Variants in FOCAD observed in about 807,000 individuals in gnomAD.
The protein encoded by FOCAD is focadhesin.
Under a neutral mutation model 225.6 loss-of-function variants are expected in FOCAD, and 198 were observed. The observed-to-expected ratio is 0.88, with a 90% CI of 0.78 to 0.99. FOCAD has a LOEUF of 0.99. Among genes scored for constraint, FOCAD ranks in the 50% least tolerant of loss-of-function variants. FOCAD has a pLI of 0.00. For synonymous variants in FOCAD, 897 were observed against 755.0 expected (o/e 1.19, Z -3.08); for missense variants, 2,713 against 2,123.6 (o/e 1.28, Z -5.46).
chr9:20,983,579 A>T lies in FOCAD; in HGVS notation c.4728+1133A>T, dbSNP rs1310446031. ...GAACGAGACTCTGTCTCAAAAAAAA[A>T]AAAAAAAAGAATATATGGAATATCA... On this transcript the variant is annotated intron_variant, in intron 39 of 43. Coordinates refer to ENST00000338382, the MANE Select transcript of FOCAD (RefSeq NM_001375567.1). Among the ~76,000 whole-genome samples, 7 of 151,782 alleles carry T rather than the reference A, an allele frequency of 4.6e-5. 1 individual carries two copies. The highest frequency in any genetic ancestry group is 4.6e-4 in the Admixed American group (7 of 15,220).
At chr9:20,932,864 G>C (rs538568600) in intron 27 of FOCAD, 150 bp from the exon 28 acceptor site, 177 of 588,468 alleles carry the variant, frequency 3.0e-4, no homozygotes, top group Non-Finnish European at 4.5e-4. Flanking sequence ...TACCAAATAA[G>C]AATAGGCAAC....
At chr9:20,808,617 G>A (rs1362043258) in intron 11 of FOCAD, among the ~76,000 whole-genome samples, 2 of 152,206 alleles carry the variant, frequency 1.3e-5, no homozygotes, top group African/African-American at 4.8e-5. Flanking sequence ...ACGAGGTTCA[G>A]TGAGCAGGAG....
chr9:20,833,620 T>G (rs973346771), intron 15 of FOCAD, among the ~76,000 whole-genome samples: 2 of 152,070 alleles, frequency 1.3e-5, no homozygotes, highest in African/African-American at 4.8e-5. Context: ...TAGATTTACA[T>G]CATCTGCCTG....
chr9:20,710,192 C>A (rs1224034898), intron 1 of FOCAD, among the ~76,000 whole-genome samples: 1 of 147,150 alleles, frequency 6.8e-6, no homozygotes, highest in Non-Finnish European at 1.5e-5. Flanking sequence ...TAGATTAGAT[C>A]ATCAGAAAAC....
At chr9:20,918,799 G>T (rs1016014230) in intron 24 of FOCAD, among the ~76,000 whole-genome samples, 17 of 152,116 alleles carry the variant, frequency 1.1e-4, no homozygotes, top group Non-Finnish European at 4.4e-5. Context: ...ACTAGGAATG[G>T]TAGCAAGTGT....
chr9:20,877,100 T>C (rs1830287025), intron 19 of FOCAD, among the ~76,000 whole-genome samples: 1 of 152,092 alleles, frequency 6.6e-6, no homozygotes, highest in African/African-American at 2.4e-5. Context: ...AACCAGAAAA[T>C]TGACATTGGC....
rs79212834 is a variant in FOCAD at position 20,990,857 on chromosome 9, G to C, written c.5256+483G>C. 4.0e-3 allele frequency among the ~76,000 whole-genome samples: 616 copies of C among 152,326 alleles called. 10 individuals are homozygous for C. Among genetic ancestry groups the C allele is most frequent in the East Asian group, 0.032 (167 of 5,180 alleles). ...GGTCGGGAGCATCCATCTTCTTGTAGCATCTTTAAGGTTCCCCATAGCTTA... is the reference window on the plus strand; with the variant it reads ...GGTCGGGAGCATCCATCTTCTTGTACCATCTTTAAGGTTCCCCATAGCTTA... On this transcript the variant is annotated intron_variant, in intron 42 of 43. Transcript: ENST00000338382.
chr9:20,955,463 T>C (rs1161811054), intron 35 of FOCAD, among the ~76,000 whole-genome samples: 1 of 152,022 alleles, frequency 6.6e-6, no homozygotes, highest in African/African-American at 2.4e-5. Context: ...AGATACTAAA[T>C]AGATGAGATT....
At chr9:20,846,915 A>G (rs954463153) in intron 15 of FOCAD, among the ~76,000 whole-genome samples, 1 of 152,102 alleles carries the variant, frequency 6.6e-6, no homozygotes, top group Non-Finnish European at 1.5e-5. Flanking sequence ...TAAGGTTGTT[A>G]TTAGTATTAC....
chr9:20,960,597 T>A (rs1838614333), intron 35 of FOCAD, among the ~76,000 whole-genome samples: 1 of 152,134 alleles, frequency 6.6e-6, no homozygotes, highest in Admixed American at 6.5e-5. Context: ...ATTTTTTTTT[T>A]ATTATACTTT....
rs138633781 is a variant in FOCAD at position 20,795,107 on chromosome 9, TG to T, written c.1455+5504del. On this transcript the variant is annotated intron_variant, in intron 11 of 43. Coordinates refer to ENST00000338382, the MANE Select transcript of FOCAD (RefSeq NM_001375567.1). ...AGCTAATTAAAACATGGAAAGTGGG[TG>T]GGGGTGAATAGTTGTAATATGATAG... 6.5e-3 allele frequency among the ~76,000 whole-genome samples: 984 copies of T among 152,112 alleles called. 8 individuals carry two copies. Among genetic ancestry groups the T allele is most frequent in the African/African-American group, 0.017 (724 of 41,502 alleles).
chr9:20,866,112 T>A, intron 17 of FOCAD, 136 bp downstream of exon 17: 1 of 728,472 alleles, frequency 1.4e-6, no homozygotes, highest in Non-Finnish European at 2.2e-6. Context: ...AAAAGTGTGA[T>A]TATTCATAAG....
At chr9:20,936,616 C>T (rs1437565034) in intron 28 of FOCAD, among the ~76,000 whole-genome samples, 2 of 152,108 alleles carry the variant, frequency 1.3e-5, no homozygotes, top group East Asian at 1.9e-4. Flanking sequence ...ATCACGAGGT[C>T]AGGAGATCGA....
upstream of FOCAD, among the ~76,000 whole-genome samples, chr9:20,656,198 T>C (rs1821472587): frequency 6.7e-6 from 1 of 150,298 alleles, no homozygotes; most frequent in South Asian, 2.1e-4. Flanking sequence ...TACTTCCAAG[T>C]ATGTGGTCAA....
At position 20,951,023 on chromosome 9, in the gene FOCAD, C is replaced by T; in HGVS notation, c.3976C>T (p.Leu1326Phe). The change falls in exon 34 of 44, where the codon CTC (leucine) becomes TTC (phenylalanine). Residue 1326 changes from leucine to phenylalanine, a missense_variant. Coordinates refer to ENST00000338382, the MANE Select transcript of FOCAD (RefSeq NM_001375567.1). The stretch of plus-strand genomic sequence containing the variant: ...CATTAGTGTCTCTGGGGTGATTGGT[C>T]TCCAGTCAAATGCAGTCTGGCTTCT... ...QVISVSGVIG[L>F]QSNAVWLLGH... 6.2e-7 allele frequency: 1 copy of T among 1,613,422 alleles called. No individual in the cohort carries two copies. Among genetic ancestry groups the T allele is most frequent in the East Asian group, 2.2e-5 (1 of 44,884 alleles).
intron 4 of FOCAD, among the ~76,000 whole-genome samples, chr9:20,721,608 G>A (rs982869614): frequency 3.3e-5 from 5 of 151,920 alleles, no homozygotes; most frequent in Non-Finnish European, 5.9e-5. Flanking sequence ...AGACTAAGGC[G>A]TGAGAATCAC....
At chr9:20,975,345 G>A (rs1339513015) in intron 35 of FOCAD, among the ~76,000 whole-genome samples, 1 of 152,122 alleles carries the variant, frequency 6.6e-6, no homozygotes, top group African/African-American at 2.4e-5. Flanking sequence ...TAATATTAAA[G>A]TAATGGTACT....
intron 4 of FOCAD, among the ~76,000 whole-genome samples, chr9:20,735,001 T>C (rs1827028756): frequency 6.6e-6 from 1 of 152,132 alleles, no homozygotes; most frequent in African/African-American, 2.4e-5. Flanking sequence ...GGTATAAAAT[T>C]TTCATAGATA....
intron 15 of FOCAD, 55 bp downstream of exon 15, chr9:20,823,170 G>A (rs1824513441): frequency 6.5e-7 from 1 of 1,546,316 alleles, no homozygotes; most frequent in African/African-American, 1.4e-5. Context: ...TTATAAGGCA[G>A]AGTGGGTACA....
Sources: allele counts gnomAD v4.1 joint callset (sites outside exome capture counted in the v4.1 genomes callset), GRCh38; gene constraint gnomAD v4.1.1; transcripts MANE v1.5; gene names NCBI Gene and HGNC (gene_info 2026-07-23, HGNC 2026-07-21).